Variants in PRKCE observed in about 807,000 individuals in gnomAD.
PRKCE encodes the protein protein kinase C epsilon.
In PRKCE, 16 loss-of-function variants were observed where a neutral mutation model predicts 85.4. That is an observed-to-expected ratio of 0.19 (90% CI 0.13 to 0.28). PRKCE has a LOEUF of 0.28. Among genes scored for constraint, PRKCE ranks in the 10% least tolerant of loss-of-function variants. The pLI, the probability that PRKCE is intolerant of heterozygous loss-of-function variation, is 1.00. For synonymous variants in PRKCE, 388 were observed against 371.5 expected, an observed-to-expected ratio of 1.04 and a Z score of -0.51; for missense variants, 573 against 975.2, an observed-to-expected ratio of 0.59 and a Z score of 5.49.
intron 11 of PRKCE, among the ~76,000 whole-genome samples, chr2:46,143,461 T>C (rs1292451495): frequency 6.6e-6 from 1 of 151,982 alleles, no homozygotes; most frequent in African/African-American, 2.4e-5. Flanking sequence ...AGAAAGTGAG[T>C]GTGACAATGT....
At chr2:46,007,375 T>C (rs1351100573) in intron 8 of PRKCE, 87 bp from the exon 9 acceptor site, 20 of 1,344,872 alleles carry the variant, frequency 1.5e-5, no homozygotes, top group Non-Finnish European at 2.0e-5. Flanking sequence ...ACTGAGAGCT[T>C]ACAGGGGAAA....
At chr2:45,955,856 T>C (rs1478612338) in intron 2 of PRKCE, among the ~76,000 whole-genome samples, 1 of 152,132 alleles carries the variant, frequency 6.6e-6, no homozygotes. Flanking sequence ...CATATAGTTA[T>C]TTGAGTTTTG....
At chr2:46,040,915 G>A (rs764568178) in intron 10 of PRKCE, among the ~76,000 whole-genome samples, 2 of 152,150 alleles carry the variant, frequency 1.3e-5, no homozygotes, top group African/African-American at 4.8e-5. Flanking sequence ...AATGTAGTTC[G>A]GACTTTACCC....
chr2:46,185,052 C>T lies in PRKCE; in HGVS notation c.*171C>T, dbSNP rs573293643. The T allele has an allele frequency of 8.3e-5, 72 of 870,914 alleles. No homozygotes were observed. The highest frequency in any genetic ancestry group is 2.6e-5 in the Non-Finnish European group (15 of 582,116). 53.9% of individuals were successfully genotyped at this position (870,914 alleles called of 1,614,324 possible). A position where few individuals can be genotyped will look rare whatever the true frequency, so the allele number is the denominator to read the frequency against. ...GCCCCAGGCCACCTCCTCCCCCTCC[C>T]ACCTGGTGACCAGAAGGCGCTCTCG... On this transcript the variant is annotated 3_prime_UTR_variant, in exon 15 of 15. Transcript: ENST00000306156. This position sits in a 1 kb window ranked among gnomAD's most constrained non-coding sequence, Gnocchi z 4.7.
chr2:46,061,370 C>T (rs1200459040), intron 10 of PRKCE, among the ~76,000 whole-genome samples: 1 of 152,098 alleles, frequency 6.6e-6, no homozygotes, highest in South Asian at 2.1e-4. Context: ...CTCAGCCTCC[C>T]AAAGGGTTGG....
At chr2:46,099,447 AC>A (rs1455467519) in intron 11 of PRKCE, among the ~76,000 whole-genome samples, 1 of 151,186 alleles carries the variant, frequency 6.6e-6, no homozygotes. Flanking sequence ...TGTTTCCACC[AC>A]CCTGTACCTT....
In PRKCE at chr2:46,139,261, T is replaced by A. The variant is rs568575263; in HGVS notation, c.1593-5832T>A. Among the ~76,000 whole-genome samples, 7 of 152,204 alleles carry A rather than the reference T, an allele frequency of 4.6e-5. No homozygotes were observed. The highest frequency in any genetic ancestry group is 1.3e-4 in the Admixed American group (2 of 15,296). On this transcript the variant is annotated intron_variant, in intron 11 of 14. Transcript: ENST00000306156. The surrounding 1 kb of genome is among the most constrained non-coding windows in gnomAD (Gnocchi z 5.2). Reference sequence around the variant, plus strand: ...AAATTAATCATTAATAGCAGACAATTTGAAAAATCCAGGAGAATCAACTGG... The same window carrying A: ...AAATTAATCATTAATAGCAGACAATATGAAAAATCCAGGAGAATCAACTGG...
chr2:46,075,778 C>G (rs1668504375), intron 10 of PRKCE, among the ~76,000 whole-genome samples: 1 of 152,102 alleles, frequency 6.6e-6, no homozygotes, highest in South Asian at 2.1e-4. Flanking sequence ...TTGATAGAAT[C>G]AAAAAGGGAT....
At chr2:46,073,332 C>T (rs952211334) in intron 10 of PRKCE, 8 of 152,340 alleles carry the variant, frequency 5.3e-5, no homozygotes, top group African/African-American at 1.9e-4. Flanking sequence ...TAGTTTGACC[C>T]TTTGCAGTGA....
intron 1 of PRKCE, among the ~76,000 whole-genome samples, chr2:45,708,861 T>C (rs1389476245): frequency 6.6e-6 from 1 of 152,114 alleles, no homozygotes; most frequent in Non-Finnish European, 1.5e-5. Flanking sequence ...TTGGGGGCCA[T>C]GTGTTGAAGG....
At chr2:45,658,629 G>C (rs1675493155) in intron 1 of PRKCE, among the ~76,000 whole-genome samples, 1 of 152,214 alleles carries the variant, frequency 6.6e-6, no homozygotes, top group Non-Finnish European at 1.5e-5. Context: ...TTTCAGAGTT[G>C]CTATGAGAAT....
intron 1 of PRKCE, among the ~76,000 whole-genome samples, chr2:45,783,237 C>G (rs1686335779): frequency 6.6e-6 from 1 of 152,188 alleles, no homozygotes; most frequent in Non-Finnish European, 1.5e-5. Flanking sequence ...CCTTTGTTCC[C>G]TGGTTGCAGA....
chr2:45,909,198 C>T (rs968831603), intron 2 of PRKCE, among the ~76,000 whole-genome samples: 2 of 152,220 alleles, frequency 1.3e-5, no homozygotes, highest in South Asian at 4.1e-4. Flanking sequence ...TCTCACAAAG[C>T]ACTTTCATGG....
chr2:45,809,438 G>T (rs1471857450), intron 1 of PRKCE, among the ~76,000 whole-genome samples: 1 of 152,088 alleles, frequency 6.6e-6, no homozygotes, highest in Non-Finnish European at 1.5e-5. Context: ...GTAAAAAGGA[G>T]AATTTGCAGC....
At chr2:45,991,419 C>A (rs1703787528) in intron 6 of PRKCE, among the ~76,000 whole-genome samples, 1 of 152,216 alleles carries the variant, frequency 6.6e-6, no homozygotes, top group Non-Finnish European at 1.5e-5. Context: ...AGTGCCTGCA[C>A]ACTGACATCC....
At chr2:45,881,225 A>G (rs1573728496) in intron 2 of PRKCE, among the ~76,000 whole-genome samples, 1 of 151,640 alleles carries the variant, frequency 6.6e-6, no homozygotes, top group Non-Finnish European at 1.5e-5. Context: ...TAATGAGCCC[A>G]CCTTCTCCTG....
chr2:45,967,482 A>C (rs1296748362), intron 2 of PRKCE, among the ~76,000 whole-genome samples: 1 of 151,998 alleles, frequency 6.6e-6, no homozygotes, highest in Non-Finnish European at 1.5e-5. Context: ...GGCTTCCACC[A>C]CCCTTGCGAA....
chr2:45,727,677 C>T lies in PRKCE; in HGVS notation c.348+75229C>T, dbSNP rs148417305. Among the ~76,000 whole-genome samples, 315 of 152,190 alleles carry T rather than the reference C, an allele frequency of 2.1e-3. 1 individual carries two copies. The highest frequency in any genetic ancestry group is 7.1e-3 in the African/African-American group (296 of 41,530). On this transcript the variant is annotated intron_variant, in intron 1 of 14. Transcript: ENST00000306156. ...ATTTTATTTTATTTTATTTTTAAGA[C>T]GGAGTCTCGCTCTGTCACCCAGGCT...
chr2:45,763,984 A>G (rs922325603), intron 1 of PRKCE, among the ~76,000 whole-genome samples: 2 of 152,280 alleles, frequency 1.3e-5, no homozygotes, highest in Non-Finnish European at 2.9e-5. Flanking sequence ...CGTCTTGCTT[A>G]TGTTTTAGGT....
Sources: gnomAD v4.1 joint callset for allele counts (sites outside exome capture counted in the v4.1 genomes callset) on GRCh38, gnomAD v4.1.1 for gene constraint, Gnocchi (gnomAD v3.1) non-coding constraint, MANE v1.5 for transcripts, NCBI Gene and HGNC (gene_info 2026-07-23, HGNC 2026-07-21) for gene names.